Variants in CLVS1 observed in about 807,000 individuals in gnomAD.
CLVS1 encodes the protein clavesin-1.
In CLVS1, 10 loss-of-function variants were observed where a neutral mutation model predicts 33.1. The ratio of observed to expected loss-of-function variants is 0.30; its 90% CI spans 0.19 to 0.51. The LOEUF is 0.51. CLVS1 is among the 20% of genes least tolerant of loss of function. CLVS1 has a pLI of 0.97. For synonymous variants in CLVS1, 163 were observed against 166.1 expected (o/e 0.98, Z 0.14); for missense variants, 343 against 433.4 (o/e 0.79, Z 1.85).
intron 3 of CLVS1, among the ~76,000 whole-genome samples, chr8:61,441,300 A>G (rs1015770954): frequency 1.4e-4 from 21 of 152,184 alleles, no homozygotes; most frequent in Non-Finnish European, 2.5e-4. Context: ...GCCCTGAAAG[A>G]CGGTCCTCCC....
chr8:61,307,593 C>G (rs1810675333), intron 2 of CLVS1, among the ~76,000 whole-genome samples: 1 of 151,992 alleles, frequency 6.6e-6, no homozygotes, highest in South Asian at 2.1e-4. Flanking sequence ...TTTAAAAACC[C>G]ACAATGCAAA....
upstream of CLVS1, among the ~76,000 whole-genome samples, chr8:61,054,144 C>T (rs368732122): frequency 2.0e-5 from 3 of 152,310 alleles, no homozygotes; most frequent in Admixed American, 1.3e-4. Context: ...TGAAACCTTA[C>T]GGAGCAACCC....
intron 2 of CLVS1, among the ~76,000 whole-genome samples, chr8:61,331,821 T>TC (rs1200662199): frequency 0.011 from 1,696 of 147,764 alleles, 29 homozygotes; most frequent in African/African-American, 0.041. Context: ...CTCCTCCTCC[T>TC]CTTCCTCCTC....
chr8:61,366,425 A>AG (rs1563518782), intron 2 of CLVS1, among the ~76,000 whole-genome samples: 1 of 152,160 alleles, frequency 6.6e-6, no homozygotes, highest in Admixed American at 6.5e-5. Context: ...CCCTCTCCTA[A>AG]ACCAGAATCA....
the CLVS1 span, among the ~76,000 whole-genome samples, chr8:61,008,629 G>A: frequency 1.3e-5 from 2 of 152,210 alleles, no homozygotes; most frequent in South Asian, 2.1e-4. Context: ...CACCACAGCA[G>A]GCGGGCATTC....
chr8:61,262,095 A>G (rs1317003131), intron 2 of CLVS1, among the ~76,000 whole-genome samples: 1 of 151,888 alleles, frequency 6.6e-6, no homozygotes, highest in Non-Finnish European at 1.5e-5. Context: ...AGCTCACTGC[A>G]GCCTTAAATG....
At chr8:61,476,297 T>G (rs185016524) in intron 5 of CLVS1, among the ~76,000 whole-genome samples, 1,597 of 152,304 alleles carry the variant, frequency 0.01, 32 homozygotes, top group African/African-American at 0.037. Flanking sequence ...TTGGGTTCCA[T>G]ATGAACTTTA....
At position 61,336,877 on chromosome 8, in the gene CLVS1, AAAAC is replaced by A. The variant is rs559981314; in HGVS notation, c.455+36607_455+36610del. On this transcript the variant is annotated intron_variant, in intron 2 of 5. Coordinates refer to ENST00000325897, the MANE Select transcript of CLVS1 (RefSeq NM_173519.3). ...CAGTAATAAATAAACAGGAAAAAAT[AAAAC>A]AAACAAACAAAAAAATAAAACCTCT... Among the ~76,000 whole-genome samples, 124 of 152,332 alleles carry A rather than the reference AAAAC, an allele frequency of 8.1e-4. 1 individual carries two copies. The Middle Eastern group carries it at 0.017, about 21-fold the overall frequency.
At chr8:61,440,790 A>G (rs1361801114) in intron 3 of CLVS1, among the ~76,000 whole-genome samples, 1 of 152,212 alleles carries the variant, frequency 6.6e-6, no homozygotes, top group Non-Finnish European at 1.5e-5. Context: ...CCTAACCTCA[A>G]AGGAACACTG....
At chr8:61,443,949 G>A (rs1271198937) in intron 3 of CLVS1, among the ~76,000 whole-genome samples, 1 of 151,872 alleles carries the variant, frequency 6.6e-6, no homozygotes, top group Non-Finnish European at 1.5e-5. Flanking sequence ...TTCTAAATAT[G>A]TTTTGTTAGA....
intron 2 of CLVS1, among the ~76,000 whole-genome samples, chr8:61,362,263 C>T (rs1813016349): frequency 6.6e-6 from 1 of 152,112 alleles, no homozygotes; most frequent in African/African-American, 2.4e-5. Flanking sequence ...AAAGAGTCAG[C>T]CCAAAGTGGA....
intron 2 of CLVS1, among the ~76,000 whole-genome samples, chr8:61,346,974 C>T (rs1007969692): frequency 5.3e-5 from 8 of 152,100 alleles, no homozygotes; most frequent in African/African-American, 1.9e-4. Flanking sequence ...TAAAAGACAT[C>T]GCATATTAAG....
At chr8:61,347,946 C>A (rs1001552482) in intron 2 of CLVS1, among the ~76,000 whole-genome samples, 1 of 151,642 alleles carries the variant, frequency 6.6e-6, no homozygotes, top group Non-Finnish European at 1.5e-5. Context: ...ATATGCATTG[C>A]CTCACCTACT....
rs559808677 is a variant in CLVS1 at position 61,494,426 on chromosome 8, C to T, written c.978-5029C>T. Among the ~76,000 whole-genome samples, 20 of 152,174 alleles carry T rather than the reference C, an allele frequency of 1.3e-4. No individual in the cohort carries two copies. The South Asian group carries it at 4.0e-3, about 30-fold the overall frequency. On this transcript the variant is annotated intron_variant, in intron 5 of 5. Coordinates refer to ENST00000325897, the MANE Select transcript of CLVS1 (RefSeq NM_173519.3). ...ATGGCTGAAATAACTCAAATCACTC[C>T]CCTGCCTGACCTTGGGGTTAAGCTG...
intron 1 of CLVS1, among the ~76,000 whole-genome samples, chr8:61,122,656 A>G (rs1231633711): frequency 6.6e-6 from 1 of 152,070 alleles, no homozygotes; most frequent in Non-Finnish European, 1.5e-5. Flanking sequence ...AAAAGTGTGA[A>G]GTTAATCATT....
chr8:61,446,766 A>C (rs1364440199), intron 3 of CLVS1, among the ~76,000 whole-genome samples: 7 of 152,020 alleles, frequency 4.6e-5, no homozygotes, highest in Non-Finnish European at 1.5e-5. Flanking sequence ...AAAAACATTC[A>C]AACCATAGTG....
At chr8:61,224,562 C>T (rs545816330) in intron 2 of CLVS1, among the ~76,000 whole-genome samples, 59 of 152,240 alleles carry the variant, frequency 3.9e-4, no homozygotes, top group African/African-American at 1.2e-3. Context: ...TTCTGGGACC[C>T]GACTTCGAGG....
chr8:61,090,031 T>G (rs3940483), intron 1 of CLVS1, among the ~76,000 whole-genome samples: 22,473 of 152,228 alleles, frequency 0.15, 1,734 homozygotes, highest in East Asian at 0.23. Context: ...TAATACCTCC[T>G]GCTGTTATTT....
At chr8:61,062,094 T>G (rs541047171) in intron 1 of CLVS1, among the ~76,000 whole-genome samples, 21 of 152,296 alleles carry the variant, frequency 1.4e-4, no homozygotes, top group Admixed American at 3.3e-4. Context: ...ACTATGAACA[T>G]CACTGGACAG....
Sources: allele counts gnomAD v4.1 joint callset (sites outside exome capture counted in the v4.1 genomes callset), GRCh38; gene constraint gnomAD v4.1.1; transcripts MANE v1.5; gene names NCBI Gene and HGNC (gene_info 2026-07-23, HGNC 2026-07-21).